The following UTP18 variants were observed in gnomAD, a reference collection of about 807,000 sequenced individuals.
UTP18 encodes the protein UTP18 small subunit processome component, also known as U3 small nucleolar RNA-associated protein 18 homolog.
UTP18 carries 36 observed loss-of-function variants against 61.1 expected under a neutral mutation model. That is an observed-to-expected ratio of 0.59 (90% confidence interval 0.45 to 0.78). The LOEUF (loss-of-function observed/expected upper bound fraction) is 0.78. Ranked by LOEUF, UTP18 falls within the 30% of genes least tolerant of loss-of-function variation. The pLI is 0.00. For synonymous variants in UTP18, 282 were observed against 251.1 expected (o/e 1.12, Z -1.16); for missense variants, 753 against 693.9 (o/e 1.09, Z -0.96).
At chr17:51,295,336 T>C (rs1905339403) in intron 12 of UTP18, among the ~76,000 whole-genome samples, 1 of 152,202 alleles carries the variant, frequency 6.6e-6, no homozygotes, top group Non-Finnish European at 1.5e-5. Flanking sequence ...GTTTTAGGTC[T>C]AACATGTAAG....
At position 51,263,404 on chromosome 17, in the gene UTP18, T is replaced by C. The variant is rs1223145877; in HGVS notation, c.455+18T>C. 6.3e-7 allele frequency: 1 copy of C among 1,575,544 alleles called. No homozygotes were observed. ...GAGGAAATGTAAGTTGCCTAACTTT[T>C]CTTCTGAATCCCTCTGTACACTTAA... On this transcript the variant is annotated intron_variant, in intron 2 of 13. Transcript: ENST00000225298.
At chr17:51,296,656 A>G (rs1905374966) in intron 12 of UTP18, 2 of 243,106 alleles carry the variant, frequency 8.2e-6, no homozygotes, top group Admixed American at 1.1e-4. Flanking sequence ...CTTTAGAATG[A>G]CACTGTTTCT....
At chr17:51,264,321 C>T (rs1407188285) in intron 2 of UTP18, among the ~76,000 whole-genome samples, 2 of 152,146 alleles carry the variant, frequency 1.3e-5, no homozygotes, top group African/African-American at 2.4e-5. Context: ...GCTGAGATTA[C>T]AGGCGTGAAC....
rs1904749925 is a variant in UTP18 at position 51,277,100 on chromosome 17, TC to T, written c.838-29del. 6.2e-6 allele frequency: 10 copies of T among 1,605,046 alleles called. No homozygotes were observed. In the East Asian group the frequency reaches 2.2e-4, roughly 36 times the overall value. ...CAGGATACAGGGTCTGTGGAAATAA[TC>T]AAAAGAACCATTTTGTACTTCTTTA... is the stretch of plus-strand genomic sequence containing the variant. On this transcript the variant is annotated intron_variant, in intron 6 of 13. Coordinates refer to ENST00000225298, the MANE Select transcript of UTP18 (RefSeq NM_016001.3).
At chr17:51,277,080 TAC>T in intron 6 of UTP18, 48 bp from the exon 7 acceptor site, 1 of 1,576,278 alleles carries the variant, frequency 6.3e-7, no homozygotes, top group Non-Finnish European at 8.7e-7. Context: ...ACTACCAGGA[TAC>T]AGGGTCTGTG....
rs142315988 is a variant in UTP18, at chr17:51,285,183, G to C, written c.1205-62G>C. On this transcript the variant is annotated intron_variant, in intron 9 of 13. Coordinates refer to ENST00000225298, the MANE Select transcript of UTP18 (RefSeq NM_016001.3). ...TGTTAAGAGGGACTGAGAGTGGCCA[G>C]TTTACTTGCCTTTCAAGTTTAAAGC... The C allele has an allele frequency of 5.7e-5, 91 of 1,600,160 alleles. No homozygotes were observed. In the East Asian group the frequency reaches 2.0e-3, roughly 35 times the overall value.
intron 11 of UTP18, among the ~76,000 whole-genome samples, chr17:51,293,525 C>T (rs1315304775): frequency 2.0e-5 from 3 of 147,692 alleles, no homozygotes; most frequent in African/African-American, 7.5e-5. Flanking sequence ...TTAAGCTCAT[C>T]ACCTGTCGTT....
intron 4 of UTP18, among the ~76,000 whole-genome samples, chr17:51,272,877 G>C (rs1187737908): frequency 6.6e-6 from 1 of 152,136 alleles, no homozygotes; most frequent in Admixed American, 6.5e-5. Context: ...GTCATCTCCA[G>C]GGGGAAAAGC....
At chr17:51,261,033 CTCAG>C in intron 1 of UTP18, 107 bp downstream of exon 1, 1 of 1,098,772 alleles carries the variant, frequency 9.1e-7, no homozygotes. Context: ...GCGGGGAGCG[CTCAG>C]GTGGGAGGGA....
At chr17:51,269,804 A>G (rs1288618211) in intron 4 of UTP18, among the ~76,000 whole-genome samples, 2 of 151,966 alleles carry the variant, frequency 1.3e-5, no homozygotes, top group Non-Finnish European at 2.9e-5. Flanking sequence ...AATCTTTTCT[A>G]CATTATCCTC....
chr17:51,296,917 G>A, intron 12 of UTP18, 48 bp from the exon 13 acceptor site: 4 of 1,572,042 alleles, frequency 2.5e-6, no homozygotes, highest in Admixed American at 3.7e-5. Flanking sequence ...TGAAAACACT[G>A]TGGGTAATTA....
At chr17:51,273,739 T>TAATTAATAAATAAATAAATA (rs1555554828) in intron 5 of UTP18, among the ~76,000 whole-genome samples, 1 of 141,030 alleles carries the variant, frequency 7.1e-6, no homozygotes, top group African/African-American at 2.6e-5. Flanking sequence ...GTCTCTAAAA[T>TAATTAATAAATAAATAAATA]AATAAATAAA....
chr17:51,273,598 G>GTTTTTT, intron 5 of UTP18, 148 bp downstream of exon 5: 1 of 399,438 alleles, frequency 2.5e-6, no homozygotes, highest in Non-Finnish European at 4.3e-6. Flanking sequence ...TTATGTTATT[G>GTTTTTT]TTTTTTTTTT....
At chr17:51,292,768 C>T (rs1450454568) in intron 11 of UTP18, among the ~76,000 whole-genome samples, 2 of 152,168 alleles carry the variant, frequency 1.3e-5, no homozygotes, top group Non-Finnish European at 2.9e-5. Context: ...GGACCTGTCT[C>T]AACTCTCCTG....
Position 51,277,119 on chromosome 17 carries a change from C to T in UTP18, c.838-11C>T. 3 of 1,611,662 alleles carry T rather than the reference C, an allele frequency of 1.9e-6. No individual in the cohort carries two copies. ...AAATAATCAAAAGAACCATTTTGTA[C>T]TTCTTTATAGGTTGATGGGAAAACA... On this transcript the variant is annotated splice_polypyrimidine_tract_variant and intron_variant, in intron 6 of 13. Transcript: ENST00000225298.
At chr17:51,280,536 A>C in intron 9 of UTP18, 57 bp downstream of exon 9, 1 of 1,564,138 alleles carries the variant, frequency 6.4e-7, no homozygotes, top group South Asian at 1.1e-5. Context: ...ATTTTAGGCC[A>C]GGCGCGGTGG....
chr17:51,284,709 T>A (rs1905048290), intron 9 of UTP18, among the ~76,000 whole-genome samples: 1 of 152,130 alleles, frequency 6.6e-6, no homozygotes, highest in Non-Finnish European at 1.5e-5. Context: ...AACCTAAAGG[T>A]ACTGTCTATT....
Position 51,280,074 on chromosome 17 carries a change from T to C in UTP18, c.1082T>C (p.Ile361Thr). The C allele has an allele frequency of 2.5e-6, 4 of 1,613,896 alleles. No homozygotes were observed. Among genetic ancestry groups the C allele is most frequent in the Non-Finnish European group, 3.4e-6 (4 of 1,179,888 alleles). ...GGGTCCTTCTTGCTCATAAATGGCATTGCTGGATATTTGCATTTGCTAGCA... is the reference window on the plus strand; with the variant it reads ...GGGTCCTTCTTGCTCATAAATGGCACTGCTGGATATTTGCATTTGCTAGCA... ...PDGSFLLING[I>T]AGYLHLLAMK... Residue 361 changes from isoleucine (I) to threonine (T), a missense_variant, in exon 8 of 14, where the codon ATT becomes ACT. By Grantham distance (89) the Ile-to-Thr change is moderately conservative. Transcript: ENST00000225298.
intron 11 of UTP18, among the ~76,000 whole-genome samples, chr17:51,291,022 T>C (rs529888689): frequency 6.6e-6 from 1 of 152,222 alleles, no homozygotes; most frequent in Non-Finnish European, 1.5e-5. Flanking sequence ...CATGGAACTT[T>C]CTACCCATTA....
Sources: gnomAD v4.1 joint callset for allele counts (sites outside exome capture counted in the v4.1 genomes callset) on GRCh38, gnomAD v4.1.1 for gene constraint, MANE v1.5 for transcripts, NCBI Gene and HGNC (gene_info 2026-07-23, HGNC 2026-07-21) for gene names.